STAMBPL1: variants seen among roughly 807,000 people sequenced by gnomAD.
The protein encoded by STAMBPL1 is AMSH-like protease.
STAMBPL1 carries 44 observed loss-of-function variants against 52.9 expected under a neutral mutation model. The observed-to-expected ratio is 0.83, with a 90% CI of 0.65 to 1.07. STAMBPL1 has a LOEUF of 1.07. Among genes scored for constraint, STAMBPL1 ranks in the 50% least tolerant of loss-of-function variants. The pLI is 0.00. For missense variants in STAMBPL1, 511 were observed against 520.8 expected, an observed-to-expected ratio of 0.98 and a Z score of 0.18; for synonymous variants, 164 against 177.3, an observed-to-expected ratio of 0.92 and a Z score of 0.60.
At position 88,923,204 on chromosome 10, in the gene STAMBPL1, A is replaced by C; in HGVS notation, c.1291A>C (p.Ile431Leu). 1 of 1,606,494 alleles carries C rather than the reference A, an allele frequency of 6.2e-7. No homozygotes were observed. ...TGTGTTGGTAAAAGACATAAAAATA[A>C]TTGTGTTGGATCTGAGGTGATATGT... Reference protein sequence around the residue: ...KHVLVKDIKIIVLDLR With the variant: ...KHVLVKDIKILVLDLR Residue 431 changes from isoleucine (I) to leucine (L), a missense_variant, in exon 11 of 11, where the codon ATT becomes CTT. Physicochemically the swap from Ile to Leu is conservative, Grantham distance 5. Coordinates refer to ENST00000371926, the MANE Select transcript of STAMBPL1 (RefSeq NM_020799.4).
chr10:88,913,497 C>T (rs1446884091), intron 6 of STAMBPL1, 39 bp downstream of exon 6: 2 of 1,530,676 alleles, frequency 1.3e-6, no homozygotes, highest in Non-Finnish European at 1.8e-6. Context: ...CACTGAGCCT[C>T]ATCGGATGGA....
intron 7 of STAMBPL1, among the ~76,000 whole-genome samples, chr10:88,916,021 G>A (rs956572857): frequency 2.4e-4 from 36 of 152,168 alleles, no homozygotes; most frequent in African/African-American, 8.4e-4. Flanking sequence ...GTTCCTTGAG[G>A]ATCCCGTGGC....
chr10:88,887,318 A>G (rs1844561504), intron 1 of STAMBPL1, among the ~76,000 whole-genome samples: 1 of 152,176 alleles, frequency 6.6e-6, no homozygotes, highest in Non-Finnish European at 1.5e-5. Context: ...TTCATGAAAA[A>G]TTTAATAAAT....
chr10:88,915,042 A>AT (rs1479088206), intron 7 of STAMBPL1, among the ~76,000 whole-genome samples: 1 of 152,152 alleles, frequency 6.6e-6, no homozygotes, highest in Non-Finnish European at 1.5e-5. Flanking sequence ...TGTGGCATGT[A>AT]TTATCTTGCT....
chr10:88,918,863 C>T (rs1483356329), intron 8 of STAMBPL1, among the ~76,000 whole-genome samples: 1 of 152,130 alleles, frequency 6.6e-6, no homozygotes, highest in East Asian at 1.9e-4. Context: ...CCCCTTATGA[C>T]CTACCGTGGA....
At chr10:88,891,172 C>T (rs757914707) in intron 1 of STAMBPL1, among the ~76,000 whole-genome samples, 7 of 152,098 alleles carry the variant, frequency 4.6e-5, no homozygotes, top group Non-Finnish European at 5.9e-5. Context: ...ATGTATTTAT[C>T]CAAAAATGAC....
At chr10:88,915,631 G>A (rs1477928654) in intron 7 of STAMBPL1, among the ~76,000 whole-genome samples, 1 of 152,176 alleles carries the variant, frequency 6.6e-6, no homozygotes, top group Non-Finnish European at 1.5e-5. Context: ...GCACTGTGCT[G>A]GTTATTAGCA....
rs186089059 is a variant in STAMBPL1, at chr10:88,889,859, A to G, written c.-54+9221A>G. Among the ~76,000 whole-genome samples, 150 of 152,306 alleles carry G rather than the reference A, an allele frequency of 9.8e-4. 2 individuals carry two copies. The South Asian group carries it at 0.014, about 14-fold the overall frequency. Reference sequence around the variant, plus strand: ...CTTTCTGGGATCATACATTGAATTCATTTGTTATGCCTCCTTAGTCTCTTT... The same window carrying G: ...CTTTCTGGGATCATACATTGAATTCGTTTGTTATGCCTCCTTAGTCTCTTT... On this transcript the variant is annotated intron_variant, in intron 1 of 10. Transcript: ENST00000371926.
At chr10:88,913,010 C>T in intron 5 of STAMBPL1, 91 bp from the exon 6 acceptor site, 1 of 1,112,124 alleles carries the variant, frequency 9.0e-7, no homozygotes, top group Non-Finnish European at 1.3e-6. Flanking sequence ...CTAGCATTTT[C>T]TCTGTCTGCT....
intron 9 of STAMBPL1, 23 bp from the exon 10 acceptor site, chr10:88,922,314 C>A (rs1231927081): frequency 6.2e-7 from 1 of 1,610,540 alleles, no homozygotes; most frequent in Non-Finnish European, 8.5e-7. Flanking sequence ...ATTTTTCTAT[C>A]TTGTTTTTGC....
chr10:88,908,334 A>G (rs1163862109), intron 3 of STAMBPL1, among the ~76,000 whole-genome samples: 1 of 152,100 alleles, frequency 6.6e-6, no homozygotes, highest in Admixed American at 6.5e-5. Context: ...AGGGATTTAC[A>G]TCACTCTTTC....
intron 8 of STAMBPL1, among the ~76,000 whole-genome samples, chr10:88,918,835 A>G (rs1417106263): frequency 6.6e-6 from 1 of 152,200 alleles, no homozygotes; most frequent in East Asian, 1.9e-4. Context: ...CATTTTCCAA[A>G]TTAGAAACAA....
At chr10:88,890,255 G>T (rs1222795721) in intron 1 of STAMBPL1, among the ~76,000 whole-genome samples, 1 of 152,182 alleles carries the variant, frequency 6.6e-6, no homozygotes, top group African/African-American at 2.4e-5. Flanking sequence ...AAGGTTATAG[G>T]ATATTAACAG....
chr10:88,908,823 G>A, intron 4 of STAMBPL1, 46 bp downstream of exon 4: 1 of 1,466,626 alleles, frequency 6.8e-7, no homozygotes, highest in East Asian at 2.4e-5. Flanking sequence ...TGCTCCATAA[G>A]TATCCATTAT....
At position 88,923,348 on chromosome 10, in the gene STAMBPL1, G is replaced by T; in HGVS notation, c.*124G>T. ...ATATTTATACATTTTAGATGACAAA[G>T]CTTGATATTTATTGCTGTTGCACAT... On this transcript the variant is annotated 3_prime_UTR_variant, in exon 11 of 11. Transcript: ENST00000371926. 3 of 1,399,388 alleles carry T rather than the reference G, an allele frequency of 2.1e-6. No homozygotes were observed. Among genetic ancestry groups the T allele is most frequent in the East Asian group, 2.8e-5 (1 of 35,632 alleles). The allele number at this position is 1,399,388 out of a possible 1,614,324, so 86.7% of individuals were successfully genotyped here.
At chr10:88,913,059 C>G in intron 5 of STAMBPL1, 42 bp from the exon 6 acceptor site, 2 of 1,495,486 alleles carry the variant, frequency 1.3e-6, no homozygotes, top group Non-Finnish European at 1.8e-6. Flanking sequence ...CAATGTTTCT[C>G]CTTGGAAACT....
intron 4 of STAMBPL1, among the ~76,000 whole-genome samples, chr10:88,909,294 A>T (rs561476771): frequency 6.6e-6 from 1 of 152,188 alleles, no homozygotes; most frequent in Non-Finnish European, 1.5e-5. Context: ...GCAATTTATC[A>T]TCAATTTTTT....
At chr10:88,890,623 T>G (rs1394834903) in intron 1 of STAMBPL1, among the ~76,000 whole-genome samples, 1 of 152,228 alleles carries the variant, frequency 6.6e-6, no homozygotes, top group Non-Finnish European at 1.5e-5. Flanking sequence ...TGATTGGATG[T>G]TGGTACCATC....
intron 6 of STAMBPL1, among the ~76,000 whole-genome samples, chr10:88,913,863 C>T (rs1195771199): frequency 6.6e-6 from 1 of 152,120 alleles, no homozygotes; most frequent in Non-Finnish European, 1.5e-5. Flanking sequence ...AATGTTTATA[C>T]TCAATATGTT....
Sources: allele counts gnomAD v4.1 joint callset (sites outside exome capture counted in the v4.1 genomes callset), GRCh38; gene constraint gnomAD v4.1.1; transcripts MANE v1.5; gene names NCBI Gene and HGNC (gene_info 2026-07-23, HGNC 2026-07-21).